Variants in CFAP210 observed in about 807,000 individuals in gnomAD.
CFAP210 encodes the protein cilia- and flagella- associated protein 210.
the CFAP210 span, among the ~76,000 whole-genome samples, chr2:169,650,771 T>TGTGTGTGTGTGTGTGTGTGTGTG: frequency 6.7e-6 from 1 of 148,258 alleles, no homozygotes; most frequent in African/African-American, 2.5e-5. Context: ...TGTGTGTGTG[T>TGTGTGTGTGTGTGTGTGTGTGTG]TTAAGAAATA....
At chr2:169,648,610 C>T in the CFAP210 span, among the ~76,000 whole-genome samples, 1 of 152,070 alleles carries the variant, frequency 6.6e-6, no homozygotes, top group African/African-American at 2.4e-5. Context: ...TATCTTTGGT[C>T]ATTAGAGAAA....
chr2:169,671,234 C>T, the CFAP210 span, among the ~76,000 whole-genome samples: 6 of 152,276 alleles, frequency 3.9e-5, no homozygotes, highest in South Asian at 4.1e-4. Context: ...CATATTCTAT[C>T]CCACTCTGGG....
chr2:169,688,847 A>G, the CFAP210 span, among the ~76,000 whole-genome samples: 61,972 of 151,982 alleles, frequency 0.41, 12,913 homozygotes, highest in Non-Finnish European at 0.44. Context: ...TGCCAAAGTC[A>G]CTTCCACATT....
chr2:169,660,667 G>A, the CFAP210 span, among the ~76,000 whole-genome samples: 1 of 150,078 alleles, frequency 6.7e-6, no homozygotes, highest in Non-Finnish European at 1.5e-5. Context: ...GCAGTGGCAC[G>A]ATCTTGACTC....
the CFAP210 span, among the ~76,000 whole-genome samples, chr2:169,688,028 G>T: frequency 6.6e-6 from 1 of 152,242 alleles, no homozygotes; most frequent in Non-Finnish European, 1.5e-5. Context: ...GCCACAGCAT[G>T]AGCTCTACAT....
the CFAP210 span, chr2:169,680,857 C>T: frequency 1.6e-6 from 1 of 644,678 alleles, no homozygotes; most frequent in Non-Finnish European, 2.7e-6. Flanking sequence ...TTGTATATCA[C>T]TTATACCTAA....
At chr2:169,667,153 T>C in the CFAP210 span, among the ~76,000 whole-genome samples, 3 of 151,510 alleles carry the variant, frequency 2.0e-5, no homozygotes, top group Non-Finnish European at 4.4e-5. Flanking sequence ...TTTTTTTTTT[T>C]TTTTGATGGA....
At chr2:169,666,175 C>T in the CFAP210 span, among the ~76,000 whole-genome samples, 1 of 152,008 alleles carries the variant, frequency 6.6e-6, no homozygotes, top group African/African-American at 2.4e-5. Flanking sequence ...TTTTGGTGAA[C>T]AGTACCACCA....
the CFAP210 span, among the ~76,000 whole-genome samples, chr2:169,672,868 A>G: frequency 6.6e-6 from 1 of 152,182 alleles, no homozygotes; most frequent in South Asian, 2.1e-4. Context: ...AATCCCATCA[A>G]GTTGACATCT....
At chr2:169,649,721 C>T in the CFAP210 span, among the ~76,000 whole-genome samples, 3 of 152,058 alleles carry the variant, frequency 2.0e-5, no homozygotes, top group African/African-American at 7.2e-5. Flanking sequence ...CTCGGGAGGT[C>T]AGGAGTTCGA....
At chr2:169,681,518 C>T in the CFAP210 span, among the ~76,000 whole-genome samples, 2 of 152,150 alleles carry the variant, frequency 1.3e-5, no homozygotes, top group African/African-American at 4.8e-5. Flanking sequence ...AAATAGAGAT[C>T]TCCTAGTAAT....
the CFAP210 span, among the ~76,000 whole-genome samples, chr2:169,678,281 C>T: frequency 1.5e-5 from 2 of 135,162 alleles, no homozygotes; most frequent in East Asian, 4.4e-4. Context: ...GCGGAGGTTG[C>T]AGTGAGCCGA....
the CFAP210 span, among the ~76,000 whole-genome samples, chr2:169,677,502 C>A: frequency 6.6e-6 from 1 of 152,138 alleles, no homozygotes; most frequent in African/African-American, 2.4e-5. Flanking sequence ...TTTAAAAAAT[C>A]TAACATCCAT....
chr2:169,685,267 C>A, the CFAP210 span, among the ~76,000 whole-genome samples: 1 of 152,238 alleles, frequency 6.6e-6, no homozygotes, highest in African/African-American at 2.4e-5. Context: ...TCCTTCCCAA[C>A]AGTTATTACT....
the CFAP210 span, among the ~76,000 whole-genome samples, chr2:169,676,098 A>T: frequency 6.6e-6 from 1 of 152,124 alleles, no homozygotes; most frequent in Non-Finnish European, 1.5e-5. Context: ...TCATATGCCA[A>T]TTATCCCAGT....
At chr2:169,656,425 G>A in the CFAP210 span, among the ~76,000 whole-genome samples, 6 of 151,500 alleles carry the variant, frequency 4.0e-5, no homozygotes, top group African/African-American at 9.7e-5. Flanking sequence ...GGAGGAGGAC[G>A]AGGAAGAGAA....
the CFAP210 span, among the ~76,000 whole-genome samples, chr2:169,646,501 T>C: frequency 6.6e-6 from 1 of 152,174 alleles, no homozygotes; most frequent in African/African-American, 2.4e-5. Flanking sequence ...ATGTGAACTT[T>C]GGTGGTTTAG....
chr2:169,662,586 C>T, the CFAP210 span: 1 of 684,614 alleles, frequency 1.5e-6, no homozygotes, highest in Non-Finnish European at 2.3e-6. Flanking sequence ...CATTAAATAG[C>T]AGTGACTAAA....
chr2:169,692,347 T>A, the CFAP210 span, among the ~76,000 whole-genome samples: 1 of 152,054 alleles, frequency 6.6e-6, no homozygotes, highest in Admixed American at 6.5e-5. Context: ...AAAGCTAGTA[T>A]CGAGGTGCCA....
Sources: allele counts gnomAD v4.1 joint callset (sites outside exome capture counted in the v4.1 genomes callset), GRCh38; gene constraint gnomAD v4.1.1; transcripts MANE v1.5; gene names NCBI Gene and HGNC (gene_info 2026-07-23, HGNC 2026-07-21).